TAF3: variants seen among roughly 807,000 people sequenced by gnomAD.
The protein encoded by TAF3 is TATA-box binding protein associated factor 3, also known as transcription initiation factor TFIID subunit 3.
A neutral mutation model predicts 80.6 loss-of-function variants in TAF3; 7 were observed. The ratio of observed to expected loss-of-function variants is 0.09; its 90% CI spans 0.05 to 0.16. TAF3 has a LOEUF of 0.16. Among genes scored for constraint, TAF3 ranks in the 10% least tolerant of loss-of-function variants. The pLI, the probability that TAF3 is intolerant of heterozygous loss-of-function variation, is 1.00. For synonymous variants in TAF3, 444 were observed against 446.1 expected (o/e 1.00, Z 0.06); for missense variants, 921 against 1,140.2 (o/e 0.81, Z 2.77).
intron 1 of TAF3, among the ~76,000 whole-genome samples, chr10:7,821,161 A>G (rs1836686598): frequency 6.6e-6 from 1 of 152,088 alleles, no homozygotes; most frequent in Admixed American, 6.6e-5. Flanking sequence ...TTCCGTAGCC[A>G]GTTTCTTGGT....
chr10:7,888,004 C>T (rs757676434), intron 2 of TAF3, among the ~76,000 whole-genome samples: 11 of 152,146 alleles, frequency 7.2e-5, no homozygotes, highest in Non-Finnish European at 1.6e-4. Context: ...CTGCCACCAC[C>T]GCCATTGTGG....
At chr10:7,850,684 A>T (rs3039436) in intron 2 of TAF3, among the ~76,000 whole-genome samples, 52,263 of 147,230 alleles carry the variant, frequency 0.35, 9,524 homozygotes, top group Non-Finnish European at 0.41. Flanking sequence ...CAAAAAAAAA[A>T]AAATATATAT....
chr10:7,896,543 A>G (rs1837506205), intron 2 of TAF3, among the ~76,000 whole-genome samples: 1 of 152,224 alleles, frequency 6.6e-6, no homozygotes, highest in Admixed American at 6.5e-5. Flanking sequence ...CGTGCATGCC[A>G]CATTCTGTAA....
intron 2 of TAF3, among the ~76,000 whole-genome samples, chr10:7,895,290 A>G (rs973892237): frequency 2.0e-5 from 3 of 152,138 alleles, no homozygotes; most frequent in South Asian, 4.1e-4. Context: ...AGTGATTTCA[A>G]CTTTTCTGGA....
At chr10:7,867,694 A>G (rs1837226822) in intron 2 of TAF3, among the ~76,000 whole-genome samples, 1 of 152,206 alleles carries the variant, frequency 6.6e-6, no homozygotes, top group South Asian at 2.1e-4. Context: ...GCAGCTTTGA[A>G]TAGGAAGCAA....
At chr10:7,892,064 T>C (rs536291993) in intron 2 of TAF3, among the ~76,000 whole-genome samples, 10 of 152,384 alleles carry the variant, frequency 6.6e-5, no homozygotes, top group African/African-American at 2.4e-4. Context: ...CCCAGATGTT[T>C]AATTATTCAT....
intron 2 of TAF3, among the ~76,000 whole-genome samples, chr10:7,961,691 G>A (rs1363434818): frequency 2.0e-5 from 3 of 152,124 alleles, no homozygotes; most frequent in African/African-American, 4.8e-5. Context: ...CTGATCATCT[G>A]TATTATATTT....
At chr10:7,991,455 T>C (rs1255369141) in intron 4 of TAF3, among the ~76,000 whole-genome samples, 3 of 152,192 alleles carry the variant, frequency 2.0e-5, no homozygotes, top group Non-Finnish European at 4.4e-5. Flanking sequence ...GCACCATTGT[T>C]TTTTTTCCCA....
chr10:7,922,418 C>T (rs1353849874), intron 2 of TAF3, among the ~76,000 whole-genome samples: 1 of 152,054 alleles, frequency 6.6e-6, no homozygotes, highest in Admixed American at 6.6e-5. Context: ...CTCCAAGCCT[C>T]TCTTTTCTGT....
intron 2 of TAF3, among the ~76,000 whole-genome samples, chr10:7,943,201 G>T (rs1346139248): frequency 6.6e-6 from 1 of 152,206 alleles, no homozygotes; most frequent in Non-Finnish European, 1.5e-5. Flanking sequence ...CCGTTGCCTT[G>T]AATGAAACAG....
intron 2 of TAF3, among the ~76,000 whole-genome samples, chr10:7,863,678 T>TATACACACACAC (rs1435861023): frequency 1.2e-5 from 1 of 81,570 alleles, no homozygotes; most frequent in Non-Finnish European, 2.4e-5. Flanking sequence ...CACACATATA[T>TATACACACACAC]ATATATACAC....
At chr10:7,925,813 G>GAA (rs796312907) in intron 2 of TAF3, among the ~76,000 whole-genome samples, 1 of 132,524 alleles carries the variant, frequency 7.5e-6, no homozygotes, top group South Asian at 2.4e-4. Context: ...AAAAAAAAAA[G>GAA]AAAAGAAAAG....
intron 2 of TAF3, among the ~76,000 whole-genome samples, chr10:7,914,444 T>C (rs1290926294): frequency 6.6e-6 from 1 of 152,240 alleles, no homozygotes; most frequent in Non-Finnish European, 1.5e-5. Flanking sequence ...GTATTTTGTT[T>C]ATTTATTGTC....
rs560581998 is a variant in TAF3, at chr10:7,935,575, C to G, written c.410-28345C>G. Among the ~76,000 whole-genome samples the G allele has an allele frequency of 4.1e-4, 62 of 152,206 alleles. 1 individual carries two copies. The highest frequency in any genetic ancestry group is 3.8e-3 in the Admixed American group (58 of 15,282). ...CTCCAGCCTGAGTGACAGAGAGAGA[C>G]AACGTCTCAAATAAATAAATAAATA... On this transcript the variant is annotated intron_variant, in intron 2 of 6. Coordinates refer to ENST00000344293, the MANE Select transcript of TAF3 (RefSeq NM_031923.4).
chr10:7,939,075 A>G (rs1837951954), intron 2 of TAF3, among the ~76,000 whole-genome samples: 1 of 152,246 alleles, frequency 6.6e-6, no homozygotes, highest in South Asian at 2.1e-4. Flanking sequence ...ATTGCTCTCC[A>G]AGAGTTCAGA....
chr10:7,861,210 C>G (rs1234917003), intron 2 of TAF3, among the ~76,000 whole-genome samples: 2 of 152,104 alleles, frequency 1.3e-5, no homozygotes, highest in Non-Finnish European at 2.9e-5. Context: ...GTGATCCGCC[C>G]GTCTTGGCCT....
At chr10:7,950,968 A>C (rs1838076813) in intron 2 of TAF3, among the ~76,000 whole-genome samples, 1 of 152,218 alleles carries the variant, frequency 6.6e-6, no homozygotes, top group African/African-American at 2.4e-5. Flanking sequence ...TCTAGGCATG[A>C]GTTACAGTGC....
At chr10:7,837,572 G>A (rs947338667) in intron 2 of TAF3, among the ~76,000 whole-genome samples, 14 of 152,234 alleles carry the variant, frequency 9.2e-5, no homozygotes, top group African/African-American at 3.4e-4. Flanking sequence ...GAACCTGGGA[G>A]GCAGAGGTTG....
At chr10:7,910,123 T>C (rs1188543694) in intron 2 of TAF3, among the ~76,000 whole-genome samples, 1 of 152,208 alleles carries the variant, frequency 6.6e-6, no homozygotes, top group Non-Finnish European at 1.5e-5. Flanking sequence ...TTGCAGTTGG[T>C]TGAGTCCAAG....
Sources: gnomAD v4.1 joint callset for allele counts (sites outside exome capture counted in the v4.1 genomes callset) on GRCh38, gnomAD v4.1.1 for gene constraint, MANE v1.5 for transcripts, NCBI Gene and HGNC (gene_info 2026-07-23, HGNC 2026-07-21) for gene names.